Variants in RBFOX1 observed in about 807,000 individuals in gnomAD.
RBFOX1 encodes the protein RNA binding fox-1 homolog 1.
A neutral mutation model predicts 57.7 loss-of-function variants in RBFOX1; 8 were observed. The ratio of observed to expected loss-of-function variants is 0.14; its 90% confidence interval spans 0.08 to 0.25. RBFOX1 has a LOEUF of 0.25. Ranked by LOEUF, RBFOX1 falls within the 10% of genes least tolerant of loss-of-function variation. The pLI is 1.00. For missense variants in RBFOX1, 611 were observed against 548.5 expected (o/e 1.11, Z -1.14); for synonymous variants, 326 against 222.4 (o/e 1.47, Z -4.15).
chr16:7,375,778 T>TC (rs754171438), intron 4 of RBFOX1, among the ~76,000 whole-genome samples: 8 of 152,088 alleles, frequency 5.3e-5, no homozygotes, highest in Non-Finnish European at 5.9e-5. Flanking sequence ...CTACTCTCTC[T>TC]CCCCCCATGC....
At chr16:7,029,631 G>A (rs945270346) in intron 3 of RBFOX1, among the ~76,000 whole-genome samples, 1 of 152,072 alleles carries the variant, frequency 6.6e-6, no homozygotes, top group East Asian at 1.9e-4. Flanking sequence ...AAAAGCAGAA[G>A]GGTATGAGAT....
At chr16:5,918,583 C>T (rs960638753) in intron 4 of RBFOX1, among the ~76,000 whole-genome samples, 4 of 152,156 alleles carry the variant, frequency 2.6e-5, no homozygotes, top group Non-Finnish European at 4.4e-5. Context: ...AAAATTAGTC[C>T]ACAATTCTCT....
intron 2 of RBFOX1, among the ~76,000 whole-genome samples, chr16:5,579,346 C>G (rs1440435236): frequency 2.0e-5 from 3 of 152,042 alleles, no homozygotes; most frequent in Admixed American, 1.3e-4. Flanking sequence ...AATCTACTTC[C>G]TAATCTCCTC....
intron 1 of RBFOX1, among the ~76,000 whole-genome samples, chr16:5,414,331 T>G (rs755490023): frequency 2.6e-5 from 4 of 152,206 alleles, no homozygotes; most frequent in African/African-American, 9.7e-5. Flanking sequence ...ATTCAGTGTT[T>G]GTTCCACTTC....
At chr16:6,990,180 G>C (rs2091185835) in intron 3 of RBFOX1, among the ~76,000 whole-genome samples, 1 of 152,148 alleles carries the variant, frequency 6.6e-6, no homozygotes, top group South Asian at 2.1e-4. Context: ...TTGAAGAAAT[G>C]AATGGAATGG....
At chr16:6,866,988 C>T (rs1229822275) in intron 3 of RBFOX1, among the ~76,000 whole-genome samples, 1 of 149,000 alleles carries the variant, frequency 6.7e-6, no homozygotes, top group South Asian at 2.2e-4. Flanking sequence ...AGAAAACCCT[C>T]TAGTCAGAGT....
chr16:5,526,085 C>T (rs2044233651), intron 2 of RBFOX1, among the ~76,000 whole-genome samples: 1 of 152,036 alleles, frequency 6.6e-6, no homozygotes, highest in Admixed American at 6.6e-5. Flanking sequence ...GTAGACAGTA[C>T]CAGCCCCTCT....
At chr16:6,120,790 A>T (rs1250014215) in intron 1 of RBFOX1, among the ~76,000 whole-genome samples, 1 of 152,082 alleles carries the variant, frequency 6.6e-6, no homozygotes, top group Non-Finnish European at 1.5e-5. Context: ...TCTTTGTAAG[A>T]CGTCAGTTCT....
At chr16:7,032,378 G>A (rs2043033478) in intron 3 of RBFOX1, among the ~76,000 whole-genome samples, 1 of 152,102 alleles carries the variant, frequency 6.6e-6, no homozygotes, top group African/African-American at 2.4e-5. Flanking sequence ...CCAGGAGGTG[G>A]AGGTTGCAGT....
At chr16:6,167,772 G>T (rs1231006423) in intron 1 of RBFOX1, among the ~76,000 whole-genome samples, 1 of 152,124 alleles carries the variant, frequency 6.6e-6, no homozygotes, top group East Asian at 1.9e-4. Context: ...CTCAGAGTGG[G>T]CATTGTTCCC....
intron 3 of RBFOX1, among the ~76,000 whole-genome samples, chr16:5,783,864 A>G (rs191174892): frequency 6.6e-6 from 1 of 152,344 alleles, no homozygotes; most frequent in Non-Finnish European, 1.5e-5. Flanking sequence ...AGTAAGGATC[A>G]TAATGGGATT....
At chr16:7,107,542 A>G (rs993223247) in intron 4 of RBFOX1, among the ~76,000 whole-genome samples, 6 of 152,100 alleles carry the variant, frequency 3.9e-5, no homozygotes, top group Non-Finnish European at 8.8e-5. Context: ...ACTTCTGTGC[A>G]TACCTGACAA....
intron 10 of RBFOX1, among the ~76,000 whole-genome samples, chr16:7,629,426 T>G (rs904695663): frequency 6.6e-6 from 1 of 152,162 alleles, no homozygotes; most frequent in South Asian, 2.1e-4. Flanking sequence ...ACTTGTAAGG[T>G]TGGCTTCTTA....
At position 7,367,277 on chromosome 16, in the gene RBFOX1, A is replaced by T. The variant is rs551982820; in HGVS notation, c.28-150870A>T. 6.6e-5 allele frequency among the ~76,000 whole-genome samples: 10 copies of T among 152,278 alleles called. No homozygotes were observed. The South Asian group carries it at 2.1e-3, about 32-fold the overall frequency. On this transcript the variant is annotated intron_variant, in intron 4 of 15. Transcript: ENST00000550418. The stretch of plus-strand genomic sequence containing the variant: ...TGCATTTGAGAGTTGCTGTTTTGAG[A>T]TAAAGAGTGCAGTTCAGTTTGTAGT...
rs531210842 is a variant in RBFOX1, at chr16:6,037,084, C to G, written c.-127+17092C>G. 1.8e-3 allele frequency: 274 copies of G among 152,284 alleles called. 2 individuals carry two copies. Among genetic ancestry groups the G allele is most frequent in the African/African-American group, 5.9e-3 (245 of 41,560 alleles). The allele number at this position is 152,284 out of a possible 1,614,324, so 9.4% of individuals were successfully genotyped here. ...GCAACTGTATTTGGTGGGAGAGATA[C>G]TTACCTCTTACTTAGCAGTAGGAAT... On this transcript the variant is annotated intron_variant, in intron 1 of 15. Coordinates refer to ENST00000550418, the MANE Select transcript of RBFOX1 (RefSeq NM_018723.4).
intron 3 of RBFOX1, among the ~76,000 whole-genome samples, chr16:6,896,004 C>T (rs897240369): frequency 2.0e-5 from 3 of 152,122 alleles, no homozygotes; most frequent in African/African-American, 7.2e-5. Flanking sequence ...ATAATCAAAT[C>T]ATGAAGAATG....
intron 3 of RBFOX1, among the ~76,000 whole-genome samples, chr16:6,931,544 C>A (rs186404835): frequency 6.6e-6 from 1 of 152,214 alleles, no homozygotes; most frequent in East Asian, 1.9e-4. Flanking sequence ...AATTTGTTCA[C>A]CCAAGGGCTT....
chr16:6,859,155 A>ATATATACG (rs1555536845), intron 3 of RBFOX1, among the ~76,000 whole-genome samples: 1 of 60,248 alleles, frequency 1.7e-5, no homozygotes, highest in Non-Finnish European at 3.4e-5. Flanking sequence ...ATATATATGT[A>ATATATACG]TATATATACG....
intron 3 of RBFOX1, among the ~76,000 whole-genome samples, chr16:6,795,035 C>G (rs768481268): frequency 2.0e-5 from 3 of 152,154 alleles, no homozygotes; most frequent in Non-Finnish European, 4.4e-5. Context: ...TTTCGTCATA[C>G]TGCACATTTT....
Sources: gnomAD v4.1 joint callset for allele counts (sites outside exome capture counted in the v4.1 genomes callset) on GRCh38, gnomAD v4.1.1 for gene constraint, MANE v1.5 for transcripts, NCBI Gene and HGNC (gene_info 2026-07-23, HGNC 2026-07-21) for gene names.